The following CCDC3 variants were observed in gnomAD, a reference collection of about 807,000 sequenced individuals.
CCDC3 encodes the protein coiled-coil domain containing 3, also known as coiled-coil domain-containing protein 3.
CCDC3 carries 24 observed loss-of-function variants against 21.4 expected under a neutral mutation model. That is an observed-to-expected ratio of 1.12 (90% CI 0.81 to 1.58). The LOEUF is 1.58. CCDC3 is among the 40% of genes most tolerant of loss of function. The pLI is 0.00. For synonymous variants in CCDC3, 186 were observed against 166.0 expected, an observed-to-expected ratio of 1.12 and a Z score of -0.93; for missense variants, 425 against 360.9, an observed-to-expected ratio of 1.18 and a Z score of -1.44.
At chr10:13,077,785 C>T (rs1297527594) in intron 3 of CCDC3, among the ~76,000 whole-genome samples, 3 of 152,180 alleles carry the variant, frequency 2.0e-5, no homozygotes, top group South Asian at 2.1e-4. Context: ...ATAAATGGTG[C>T]TGGGAAAACT....
At chr10:13,018,776 C>G (rs148631243) in intron 5 of CCDC3, among the ~76,000 whole-genome samples, 4 of 151,374 alleles carry the variant, frequency 2.6e-5, no homozygotes, top group African/African-American at 9.7e-5. Flanking sequence ...ACTAAAAATA[C>G]AAAAAAAATC....
intron 2 of CCDC3, among the ~76,000 whole-genome samples, chr10:12,919,332 G>A (rs1159871888): frequency 2.6e-5 from 4 of 152,162 alleles, no homozygotes; most frequent in African/African-American, 4.8e-5. Context: ...GCTCACGCCT[G>A]TAATCCCAGC....
intron 2 of CCDC3, among the ~76,000 whole-genome samples, chr10:12,944,146 A>C (rs1439111965): frequency 6.6e-6 from 1 of 152,230 alleles, no homozygotes; most frequent in African/African-American, 2.4e-5. Context: ...ACCCCAAAAT[A>C]TATTTCTTTG....
At chr10:12,938,802 G>A (rs1399178274) in intron 2 of CCDC3, among the ~76,000 whole-genome samples, 1 of 152,002 alleles carries the variant, frequency 6.6e-6, no homozygotes, top group Non-Finnish European at 1.5e-5. Context: ...CCTGTCTTGT[G>A]CCTCCTTCCC....
At chr10:12,978,873 T>A (rs945021165) in intron 2 of CCDC3, among the ~76,000 whole-genome samples, 5 of 152,188 alleles carry the variant, frequency 3.3e-5, no homozygotes, top group Non-Finnish European at 7.3e-5. Flanking sequence ...GCGTGCTGTT[T>A]TGTGAAAGTA....
chr10:12,945,149 C>G (rs1374884801), intron 2 of CCDC3, among the ~76,000 whole-genome samples: 1 of 152,084 alleles, frequency 6.6e-6, no homozygotes, highest in Non-Finnish European at 1.5e-5. Context: ...AATTATGATT[C>G]ATAAATTTGT....
intron 3 of CCDC3, among the ~76,000 whole-genome samples, chr10:13,074,537 C>G (rs2131442843): frequency 6.6e-6 from 1 of 151,804 alleles, no homozygotes; most frequent in South Asian, 2.1e-4. Flanking sequence ...TCCAAGGTCC[C>G]AGCTCTCATG....
At chr10:12,926,521 G>C (rs771132896) in intron 2 of CCDC3, among the ~76,000 whole-genome samples, 3 of 152,150 alleles carry the variant, frequency 2.0e-5, no homozygotes, top group Non-Finnish European at 4.4e-5. Flanking sequence ...GAGAGGGCTT[G>C]CTTTCCTTGC....
In CCDC3 at chr10:12,958,232, AC is replaced by A. The variant is rs373574346; in HGVS notation, c.549+40105del. ...CAAACAAACAAACAAAAAAAACCCA[AC>A]AACCCAAGACCATGAAGAAGTTTAG... On this transcript the variant is annotated intron_variant, in intron 2 of 2. Transcript: ENST00000378825. 1.4e-3 allele frequency among the ~76,000 whole-genome samples: 215 copies of A among 152,322 alleles called. 1 individual carries two copies. Among genetic ancestry groups the A allele is most frequent in the African/African-American group, 4.7e-3 (197 of 41,568 alleles).
At position 13,032,395 on chromosome 10, in the gene CCDC3, G is replaced by A. The variant is rs183376271; in HGVS notation, c.-2+17279C>T. Among the ~76,000 whole-genome samples the A allele has an allele frequency of 6.1e-3, 929 of 152,232 alleles. 7 individuals carry two copies. The highest frequency in any genetic ancestry group is 9.1e-3 in the Non-Finnish European group (617 of 68,024). ...CCACAGCCAGTATCATACTGAATGGGCAAAAACTGGAAGCATTCCCATTGA... is the reference window on the plus strand; with the variant it reads ...CCACAGCCAGTATCATACTGAATGGACAAAAACTGGAAGCATTCCCATTGA... On this transcript the variant is annotated intron_variant, in intron 5 of 6. Transcript: ENST00000378839.
intron 4 of CCDC3, among the ~76,000 whole-genome samples, chr10:13,055,242 A>C (rs11258161): frequency 0.24 from 36,486 of 152,166 alleles, 4,513 homozygotes; most frequent in Admixed American, 0.27. Context: ...GCCTACGCCC[A>C]GAACTGGCAC....
At position 12,998,504 on chromosome 10, in the gene CCDC3, T is replaced by G; in HGVS notation, c.383A>C (p.Glu128Ala). 6.2e-7 allele frequency: 1 copy of G among 1,614,072 alleles called. No individual in the cohort carries two copies. The highest frequency in any genetic ancestry group is 8.5e-7 in the Non-Finnish European group (1 of 1,179,992). ...YSYFFFLRMD[E>A]NYNLLPHGVN... ...TCCGTGAGGCAAGAGGTTATAATTT[T>G]CATCCATCCTAATGGAGGAAAAAAA... The change falls in exon 2 of 3, where the codon GAA (glutamate) becomes GCA (alanine). Residue 128 changes from glutamate (E) to alanine (A), a missense_variant. Glu to Ala is a moderately radical substitution (Grantham distance 107, BLOSUM62 -1). Transcript: ENST00000378825.
Position 13,074,433 on chromosome 10 carries a change from A to C in CCDC3, c.-502-333T>G, listed in dbSNP as rs577831338. On this transcript the variant is annotated intron_variant, in intron 3 of 6. Coordinates refer to the CCDC3 transcript ENST00000378839. ...ACTCCCGACTTCAGGTGATCCGCCC[A>C]CCTCGACCTCCCAAAGTGCTGGGAT... Among the ~76,000 whole-genome samples the C allele has an allele frequency of 3.0e-5, 4 of 135,344 alleles. No individual in the cohort carries two copies. In the South Asian group the frequency reaches 9.7e-4, roughly 33 times the overall value. The allele number at this position is 135,344 out of a possible 152,430, so 88.8% of individuals were successfully genotyped here.
At chr10:13,070,291 A>G (rs1836866425) in intron 4 of CCDC3, among the ~76,000 whole-genome samples, 2 of 152,208 alleles carry the variant, frequency 1.3e-5, no homozygotes, top group African/African-American at 4.8e-5. Context: ...AGTTGTGAGT[A>G]TTCTTAATTT....
intron 3 of CCDC3, among the ~76,000 whole-genome samples, chr10:13,083,778 AG>A (rs1837071541): frequency 6.6e-6 from 1 of 152,248 alleles, no homozygotes; most frequent in Non-Finnish European, 1.5e-5. Flanking sequence ...TTAGATTGTG[AG>A]GTCTGGCTCC....
intron 2 of CCDC3, among the ~76,000 whole-genome samples, chr10:12,985,107 T>A (rs1262832144): frequency 6.6e-6 from 1 of 152,162 alleles, no homozygotes; most frequent in Non-Finnish European, 1.5e-5. Context: ...AGCTATAGAT[T>A]TTTTTTAAAT....
chr10:13,087,463 T>TGCCCCTCTCCCTTCTCC (rs1170132804), intron 3 of CCDC3, among the ~76,000 whole-genome samples: 2 of 151,630 alleles, frequency 1.3e-5, no homozygotes, highest in Non-Finnish European at 1.5e-5. Flanking sequence ...CCACCCTCTT[T>TGCCCCTCTCCCTTCTCC]GCCCCTCTCC....
chr10:12,898,333 T>G lies in CCDC3; in HGVS notation c.*83A>C. 16 of 1,378,714 alleles carry G rather than the reference T, an allele frequency of 1.2e-5. No homozygotes were observed. The highest frequency in any genetic ancestry group is 2.8e-5 in the South Asian group (2 of 70,258). 85.4% of individuals were successfully genotyped at this position (1,378,714 alleles called of 1,614,324 possible). Reference sequence around the variant, plus strand: ...TAAAAACAAAAACTCTTACAACCCTTGAAATAGCTGCATGTACGAAACCTC... The same window carrying G: ...TAAAAACAAAAACTCTTACAACCCTGGAAATAGCTGCATGTACGAAACCTC... On this transcript the variant is annotated 3_prime_UTR_variant, in exon 3 of 3. Transcript: ENST00000378825.
chr10:12,941,545 C>T (rs1834831389), intron 2 of CCDC3, among the ~76,000 whole-genome samples: 2 of 152,134 alleles, frequency 1.3e-5, no homozygotes, highest in South Asian at 4.2e-4. Context: ...ACAAATGTTG[C>T]ATGTATATTA....
Sources: gnomAD v4.1 joint callset for allele counts (sites outside exome capture counted in the v4.1 genomes callset) on GRCh38, gnomAD v4.1.1 for gene constraint, MANE v1.5 for transcripts, NCBI Gene and HGNC (gene_info 2026-07-23, HGNC 2026-07-21) for gene names.